RFX7: variants seen among roughly 807,000 people sequenced by gnomAD.
RFX7 encodes the protein DNA-binding protein RFX7.
Under a neutral mutation model 111.8 loss-of-function variants are expected in RFX7, and 26 were observed. The observed-to-expected ratio is 0.23, with a 90% CI of 0.17 to 0.32. The LOEUF (loss-of-function observed/expected upper bound fraction) is 0.32, where lower values mean the gene tolerates loss of function less well. RFX7 is among the 10% of genes least tolerant of loss of function. The probability of loss-of-function intolerance (pLI) is 1.00; values close to 1 mark genes in which losing one functional copy is unlikely to be tolerated. For synonymous variants in RFX7, 624 were observed against 624.4 expected (o/e 1.00, Z 0.01); for missense variants, 1,573 against 1,772.9 (o/e 0.89, Z 2.02).
chr15:56,199,211 G>A (rs1264176583), intron 2 of RFX7, among the ~76,000 whole-genome samples: 1 of 152,144 alleles, frequency 6.6e-6, no homozygotes, highest in Non-Finnish European at 1.5e-5. Context: ...CTGAGTGACT[G>A]TTAATCAGTA....
In RFX7 at chr15:56,142,663, T is replaced by C; in HGVS notation, c.401+115A>G. ...GAATGAATCTTAAGAGATTTCTAAGTGTAATTCCCATATACCAGCTTGATA... is the reference window on the plus strand; with the variant it reads ...GAATGAATCTTAAGAGATTTCTAAGCGTAATTCCCATATACCAGCTTGATA... On this transcript the variant is annotated intron_variant, in intron 5 of 9. Transcript: ENST00000559447. The C allele has an allele frequency of 4.5e-6, 4 of 887,598 alleles. No individual in the cohort carries two copies. The South Asian group carries it at 7.5e-5, about 17-fold the overall frequency. 55.0% of individuals were successfully genotyped at this position (887,598 alleles called of 1,614,324 possible).
At chr15:56,195,309 T>C (rs1408872000) in intron 2 of RFX7, among the ~76,000 whole-genome samples, 1 of 152,082 alleles carries the variant, frequency 6.6e-6, no homozygotes, top group East Asian at 1.9e-4. Context: ...AAAAATGTTC[T>C]TGAACTAGAT....
chr15:56,128,452 C>T lies in RFX7; in HGVS notation c.401+14326G>A, dbSNP rs139380399. ...CATATAAAAATAATAATGTAATACA[C>T]TATATTCAGTTCATCTAAAAAAACC... On this transcript the variant is annotated intron_variant, in intron 5 of 9. Coordinates refer to ENST00000559447, the MANE Select transcript of RFX7 (RefSeq NM_022841.7). Among the ~76,000 whole-genome samples the T allele has an allele frequency of 4.2e-3, 636 of 152,254 alleles. 11 individuals are homozygous for T. The highest frequency in any genetic ancestry group is 0.015 in the African/African-American group (614 of 41,556).
At position 56,236,715 on chromosome 15, in the gene RFX7, T is replaced by C. The variant is rs114366603; in HGVS notation, c.161+6410A>G. On this transcript the variant is annotated intron_variant, in intron 2 of 9. Coordinates refer to ENST00000559447, the MANE Select transcript of RFX7 (RefSeq NM_022841.7). Reference sequence around the variant, plus strand: ...ATATAATTGAATCTACAATATGACATTCACTGCCTTAAAATATTACATTAC... The same window carrying C: ...ATATAATTGAATCTACAATATGACACTCACTGCCTTAAAATATTACATTAC... 7.9e-3 allele frequency among the ~76,000 whole-genome samples: 1,203 copies of C among 152,308 alleles called. 18 individuals are homozygous for C. Among genetic ancestry groups the C allele is most frequent in the African/African-American group, 0.028 (1,151 of 41,562 alleles).
chr15:56,235,786 C>T (rs1216850273), intron 2 of RFX7, among the ~76,000 whole-genome samples: 3 of 152,166 alleles, frequency 2.0e-5, no homozygotes, highest in Non-Finnish European at 4.4e-5. Context: ...ATTTGCTAAT[C>T]CCGTGTTGGA....
chr15:56,106,820 T>C (rs79367937), intron 5 of RFX7, among the ~76,000 whole-genome samples: 126 of 152,284 alleles, frequency 8.3e-4, no homozygotes, highest in African/African-American at 3.0e-3. Flanking sequence ...CCATTGGTCA[T>C]TCCAGGCCAT....
intron 2 of RFX7, among the ~76,000 whole-genome samples, chr15:56,227,306 T>A (rs1234427912): frequency 2.0e-5 from 3 of 152,218 alleles, no homozygotes; most frequent in African/African-American, 7.2e-5. Flanking sequence ...CTTGTTTTTT[T>A]ATCCACTCTG....
At chr15:56,133,320 C>T (rs1276284704) in intron 5 of RFX7, among the ~76,000 whole-genome samples, 2 of 151,948 alleles carry the variant, frequency 1.3e-5, no homozygotes, top group Admixed American at 1.3e-4. Context: ...TTAAAAGAAG[C>T]CAGTCTTTAC....
Position 56,094,314 on chromosome 15 carries a change from G to A in RFX7, c.3414C>T (p.Asn1138=). ...QHQGATVNNT[N]KQEGFAVPAP... is the part of the protein sequence containing the mutation. ...CAGGGACTGCAAAACCCTCCTGTTT[G>A]TTGGTGTTATTTACAGTGGCACCTT... The change falls in exon 10 of 10, where the codon AAC becomes AAT. Residue 1138 remains asparagine, a synonymous_variant. Transcript: ENST00000559447. 2 of 1,613,998 alleles carry A rather than the reference G, an allele frequency of 1.2e-6. No homozygotes were observed. The highest frequency in any genetic ancestry group is 3.3e-5 in the Admixed American group (2 of 60,024).
intron 7 of RFX7, among the ~76,000 whole-genome samples, 153 bp from the exon 8 acceptor site, chr15:56,101,719 T>C (rs1186873876): frequency 6.6e-6 from 1 of 152,198 alleles, no homozygotes; most frequent in Non-Finnish European, 1.5e-5. Context: ...TATAAGAGCT[T>C]TGCAAATAAG....
chr15:56,182,217 C>T (rs908093182), intron 2 of RFX7, among the ~76,000 whole-genome samples: 1 of 151,996 alleles, frequency 6.6e-6, no homozygotes, highest in African/African-American at 2.4e-5. Flanking sequence ...TCTCCCCCAC[C>T]CCTCCATCTG....
intron 5 of RFX7, among the ~76,000 whole-genome samples, chr15:56,123,463 T>C (rs1210550446): frequency 6.6e-6 from 1 of 152,138 alleles, no homozygotes; most frequent in Non-Finnish European, 1.5e-5. Context: ...CCTCTTCACG[T>C]TTCCTTCTCC....
At position 56,094,091 on chromosome 15, in the gene RFX7, C is replaced by G. The variant is rs1366691791; in HGVS notation, c.3637G>C (p.Asp1213His). Residue 1213 changes from aspartate to histidine, a missense_variant, in exon 10 of 10, where the codon GAC becomes CAC. Transcript: ENST00000559447. ...TGAGCTATGTTGTTGGCACATGCGTCTGTGTGAACATTTGTGAAAACATGA... is the reference window on the plus strand; with the variant it reads ...TGAGCTATGTTGTTGGCACATGCGTGTGTGTGAACATTTGTGAAAACATGA... ...EVHVFTNVHTDACANNIAQRS... is the reference protein window; with the variant it reads ...EVHVFTNVHTHACANNIAQRS... 6.2e-7 allele frequency: 1 copy of G among 1,613,978 alleles called. No homozygotes were observed. The highest frequency in any genetic ancestry group is 2.2e-5 in the East Asian group (1 of 44,876).
chr15:56,100,022 G>A (rs577896890), intron 8 of RFX7, among the ~76,000 whole-genome samples: 1 of 152,296 alleles, frequency 6.6e-6, no homozygotes, highest in East Asian at 1.9e-4. Flanking sequence ...GCAGGGGCAG[G>A]AGAAAGACAG....
intron 5 of RFX7, among the ~76,000 whole-genome samples, chr15:56,119,432 T>C (rs1183258908): frequency 6.6e-6 from 1 of 152,180 alleles, no homozygotes; most frequent in African/African-American, 2.4e-5. Context: ...GCATCATTTA[T>C]TGAAGAAACC....
chr15:56,124,735 T>G (rs2042121243), intron 5 of RFX7, among the ~76,000 whole-genome samples: 1 of 152,236 alleles, frequency 6.6e-6, no homozygotes, highest in African/African-American at 2.4e-5. Context: ...CTGAGTTCCT[T>G]GTACATAATG....
rs377498797 is a variant in RFX7, at chr15:56,093,950, C to T, written c.3778G>A (p.Asp1260Asn). Reference protein sequence around the residue: ...TNVLLSKLDSDNDDAVRGLGM... With the variant: ...TNVLLSKLDSNNDDAVRGLGM... ...AAACCTCTCACTGCATCATCATTGT[C>T]GGAATCAAGTTTACTCAACAAAACA... is the stretch of plus-strand genomic sequence containing the variant. Residue 1260 changes from aspartate (D) to asparagine (N), a missense_variant, in exon 10 of 10, where the codon GAC (aspartate) becomes AAC (asparagine). Coordinates refer to ENST00000559447, the MANE Select transcript of RFX7 (RefSeq NM_022841.7). The T allele has an allele frequency of 6.1e-5, 98 of 1,613,888 alleles. No homozygotes were observed. Among genetic ancestry groups the T allele is most frequent in the Middle Eastern group, 1.7e-4 (1 of 6,060 alleles).
intron 3 of RFX7, among the ~76,000 whole-genome samples, chr15:56,150,722 G>A (rs1404425280): frequency 6.6e-6 from 1 of 152,190 alleles, no homozygotes; most frequent in Non-Finnish European, 1.5e-5. Flanking sequence ...TGAGTTTGAA[G>A]AACTGACAAA....
At chr15:56,129,680 C>A (rs1377563484) in intron 5 of RFX7, among the ~76,000 whole-genome samples, 1 of 152,068 alleles carries the variant, frequency 6.6e-6, no homozygotes, top group Non-Finnish European at 1.5e-5. Flanking sequence ...GTGATGATGG[C>A]AATGAATACA....
Sources: gnomAD v4.1 joint callset for allele counts (sites outside exome capture counted in the v4.1 genomes callset) on GRCh38, gnomAD v4.1.1 for gene constraint, MANE v1.5 for transcripts, NCBI Gene and HGNC (gene_info 2026-07-23, HGNC 2026-07-21) for gene names.